Variants in LRRTM3 observed in about 807,000 individuals in gnomAD.
The protein encoded by LRRTM3 is leucine rich repeat transmembrane neuronal 3.
Under a neutral mutation model 44.7 loss-of-function variants are expected in LRRTM3, and 24 were observed. That is an observed-to-expected ratio of 0.54 (90% CI 0.39 to 0.76). The LOEUF (loss-of-function observed/expected upper bound fraction) is 0.76. LRRTM3 is among the 30% of genes least tolerant of loss of function. The pLI, the probability that LRRTM3 is intolerant of heterozygous loss-of-function variation, is 0.00. For missense variants in LRRTM3, 587 were observed against 702.2 expected (o/e 0.84, Z 1.85); for synonymous variants, 277 against 278.7 (o/e 0.99, Z 0.06).
At chr10:66,982,057 T>A (rs965092182) in intron 2 of LRRTM3, among the ~76,000 whole-genome samples, 1 of 152,204 alleles carries the variant, frequency 6.6e-6, no homozygotes, top group African/African-American at 2.4e-5. Context: ...AGGGGCTCCA[T>A]ACACATAACA....
At chr10:67,034,869 C>A (rs1018895962) in intron 2 of LRRTM3, among the ~76,000 whole-genome samples, 1 of 152,218 alleles carries the variant, frequency 6.6e-6, no homozygotes, top group Non-Finnish European at 1.5e-5. Context: ...TATCTATTTG[C>A]AGTTCCCTGC....
intron 2 of LRRTM3, among the ~76,000 whole-genome samples, chr10:67,048,833 C>T (rs1197171483): frequency 2.0e-5 from 3 of 151,924 alleles, no homozygotes; most frequent in Non-Finnish European, 2.9e-5. Context: ...GATGTCTCAC[C>T]GTTCCCAGCT....
At chr10:66,973,865 A>T (rs1273735484) in intron 2 of LRRTM3, among the ~76,000 whole-genome samples, 1 of 152,026 alleles carries the variant, frequency 6.6e-6, no homozygotes, top group African/African-American at 2.4e-5. Context: ...CTCAAGATTT[A>T]TCCCCCTCGG....
At chr10:67,014,041 G>T (rs116207403) in intron 2 of LRRTM3, among the ~76,000 whole-genome samples, 2,466 of 152,246 alleles carry the variant, frequency 0.016, 83 homozygotes, top group African/African-American at 0.055. Context: ...GAGACAAAAG[G>T]GGGAGTGTAA....
intron 2 of LRRTM3, among the ~76,000 whole-genome samples, chr10:66,994,926 A>T (rs979594795): frequency 1.3e-5 from 2 of 152,216 alleles, no homozygotes; most frequent in African/African-American, 4.8e-5. Flanking sequence ...ACATGGGCTC[A>T]GCTAATACCA....
At chr10:66,966,552 AAAG>A (rs1046038681) in intron 2 of LRRTM3, among the ~76,000 whole-genome samples, 4 of 151,840 alleles carry the variant, frequency 2.6e-5, no homozygotes, top group Non-Finnish European at 5.9e-5. Context: ...TATCAGATTC[AAAG>A]AAGCTTTTTA....
intron 2 of LRRTM3, among the ~76,000 whole-genome samples, chr10:67,050,322 G>A (rs1435653096): frequency 3.3e-5 from 5 of 152,090 alleles, no homozygotes; most frequent in East Asian, 1.9e-4. Flanking sequence ...TTTCTTGAGC[G>A]TTCGGTCTAC....
At chr10:66,986,020 C>A (rs905110516) in intron 2 of LRRTM3, among the ~76,000 whole-genome samples, 1 of 152,164 alleles carries the variant, frequency 6.6e-6, no homozygotes, top group Non-Finnish European at 1.5e-5. Flanking sequence ...GCCACCATGC[C>A]TGGCCTCACA....
intron 2 of LRRTM3, among the ~76,000 whole-genome samples, chr10:66,977,562 C>T (rs1458106217): frequency 6.6e-6 from 1 of 152,184 alleles, no homozygotes; most frequent in East Asian, 1.9e-4. Context: ...CTATGCTTCA[C>T]TGTCACGTGT....
chr10:67,076,930 T>C (rs1342137445), intron 2 of LRRTM3, among the ~76,000 whole-genome samples: 4 of 152,228 alleles, frequency 2.6e-5, no homozygotes, highest in Admixed American at 2.6e-4. Flanking sequence ...CATTGGACTA[T>C]GTCAAAATCT....
chr10:66,956,483 T>C lies in LRRTM3; in HGVS notation c.1536+28031T>C, dbSNP rs1341813502. Among the ~76,000 whole-genome samples the C allele has an allele frequency of 2.0e-5, 3 of 151,998 alleles. No homozygotes were observed. In the East Asian group the frequency reaches 5.8e-4, roughly 29 times the overall value. On this transcript the variant is annotated intron_variant, in intron 2 of 2. Coordinates refer to ENST00000361320, the MANE Select transcript of LRRTM3 (RefSeq NM_178011.5). ...TGAGAATCTTTGCAAGTTATTGTCATCCAGGCAATAAACAATAATTACATT... is the reference window on the plus strand; with the variant it reads ...TGAGAATCTTTGCAAGTTATTGTCACCCAGGCAATAAACAATAATTACATT...
At chr10:67,082,289 G>A (rs1857094293) in intron 2 of LRRTM3, among the ~76,000 whole-genome samples, 1 of 152,112 alleles carries the variant, frequency 6.6e-6, no homozygotes, top group African/African-American at 2.4e-5. Flanking sequence ...TAGTCCATCT[G>A]TGCTTTCTTC....
chr10:66,981,355 T>G (rs953734649), intron 2 of LRRTM3, among the ~76,000 whole-genome samples: 2 of 152,236 alleles, frequency 1.3e-5, no homozygotes, highest in Non-Finnish European at 2.9e-5. Flanking sequence ...GCTTTAAAAC[T>G]TCATCAGCTC....
At chr10:66,962,418 GT>G (rs139452994) in intron 2 of LRRTM3, among the ~76,000 whole-genome samples, 6 of 144,256 alleles carry the variant, frequency 4.2e-5, no homozygotes, top group African/African-American at 7.7e-5. Context: ...TTTTGTTTTT[GT>G]TTTTTTTTTG....
At chr10:67,018,034 T>C (rs748000151) in intron 2 of LRRTM3, among the ~76,000 whole-genome samples, 9 of 152,006 alleles carry the variant, frequency 5.9e-5, no homozygotes, top group Non-Finnish European at 1.2e-4. Flanking sequence ...GGCCTCCCAA[T>C]GTGCTGGGAT....
rs1252909255 is a variant in LRRTM3, at chr10:67,099,890, C to T, written c.*2094C>T. 1 of 151,540 alleles carries T rather than the reference C, an allele frequency of 6.6e-6. No individual in the cohort carries two copies. The highest frequency in any genetic ancestry group is 6.6e-5 in the Admixed American group (1 of 15,162). The allele number at this position is 151,540 out of a possible 1,614,324, so 9.4% of individuals were successfully genotyped here. A position where few individuals can be genotyped will look rare whatever the true frequency, so the allele number is the denominator to read the frequency against. ...TCTACATTGAAATTTGGCTTTACGT[C>T]GTTAGCAAATTTATAAAGGGTTATA... On this transcript the variant is annotated 3_prime_UTR_variant, in exon 3 of 3. Transcript: ENST00000361320.
chr10:67,074,805 T>C (rs1166226378), intron 2 of LRRTM3, among the ~76,000 whole-genome samples: 5 of 149,330 alleles, frequency 3.3e-5, no homozygotes, highest in African/African-American at 1.3e-4. Context: ...ATTATGAACA[T>C]AACATAATTT....
rs75960247 is a variant in LRRTM3 at position 67,047,282 on chromosome 10, G to C, written c.1537-50305G>C. ...AAGAATGCTTACTGGGAAAGGTATT[G>C]ACTAGTGAGATTAAAGACAAATATG... On this transcript the variant is annotated intron_variant, in intron 2 of 2. Coordinates refer to ENST00000361320, the MANE Select transcript of LRRTM3 (RefSeq NM_178011.5). Among the ~76,000 whole-genome samples, 219 of 152,284 alleles carry C rather than the reference G, an allele frequency of 1.4e-3. 4 individuals carry two copies. The highest frequency in any genetic ancestry group is 0.01 in the Admixed American group (158 of 15,286).
At chr10:67,069,973 C>T (rs1362098553) in intron 2 of LRRTM3, among the ~76,000 whole-genome samples, 1 of 152,044 alleles carries the variant, frequency 6.6e-6, no homozygotes, top group Non-Finnish European at 1.5e-5. Flanking sequence ...TGTAGATGCC[C>T]TCAAAATTTT....
Sources: allele counts gnomAD v4.1 joint callset (sites outside exome capture counted in the v4.1 genomes callset), GRCh38; gene constraint gnomAD v4.1.1; transcripts MANE v1.5; gene names NCBI Gene and HGNC (gene_info 2026-07-23, HGNC 2026-07-21).